The following IMPA1 variants were observed in gnomAD, a reference collection of about 807,000 sequenced individuals.
IMPA1 encodes the protein inositol monophosphatase 1.
In IMPA1, 21 loss-of-function variants were observed where a neutral mutation model predicts 34.9. The observed-to-expected ratio is 0.60, with a 90% CI of 0.43 to 0.87. The LOEUF is 0.87. Among genes scored for constraint, IMPA1 ranks in the 40% least tolerant of loss-of-function variants. IMPA1 has a pLI of 0.00. For missense variants in IMPA1, 299 were observed against 336.4 expected (o/e 0.89, Z 0.87); for synonymous variants, 95 against 104.4 (o/e 0.91, Z 0.55).
intron 7 of IMPA1, among the ~76,000 whole-genome samples, chr8:81,665,746 GA>G (rs1452586510): frequency 6.6e-6 from 1 of 152,060 alleles, no homozygotes; most frequent in East Asian, 1.9e-4. Context: ...TAAAAGCCAA[GA>G]AAAATTAGAT....
intron 1 of IMPA1, among the ~76,000 whole-genome samples, chr8:81,681,836 T>A (rs917530269): frequency 2.0e-5 from 3 of 152,160 alleles, no homozygotes; most frequent in Non-Finnish European, 4.4e-5. Flanking sequence ...TACATTTTTT[T>A]AAAAAACCAA....
chr8:81,680,270 T>C (rs1438287420), intron 3 of IMPA1, among the ~76,000 whole-genome samples: 1 of 152,222 alleles, frequency 6.6e-6, no homozygotes, highest in Non-Finnish European at 1.5e-5. Flanking sequence ...ATACAAAACT[T>C]TGGAGACTAG....
intron 1 of IMPA1, chr8:81,686,046 C>T (rs754000472): frequency 8.5e-7 from 1 of 1,174,202 alleles, no homozygotes; most frequent in African/African-American, 1.6e-5. Flanking sequence ...GTGAGCGAAC[C>T]GCTACTCCAA....
At position 81,676,226 on chromosome 8, in the gene IMPA1, A is replaced by C. The variant is rs760002814; in HGVS notation, c.348+8T>G. On this transcript the variant is annotated splice_region_variant and intron_variant, in intron 5 of 8. Transcript: ENST00000256108. ...CATATAATCAACTATACGTTTAAAA[A>C]ATCATACCTTTTTATTTACAGCAAA... 5.4e-6 allele frequency: 7 copies of C among 1,304,446 alleles called. No homozygotes were observed. Among genetic ancestry groups the C allele is most frequent in the Non-Finnish European group, 7.4e-6 (7 of 945,162 alleles). The allele number at this position is 1,304,446 out of a possible 1,614,324, so 80.8% of individuals were successfully genotyped here. A position where few individuals can be genotyped will look rare whatever the true frequency, so the allele number is the denominator to read the frequency against.
intron 5 of IMPA1, 38 bp from the exon 6 acceptor site, chr8:81,673,987 T>C (rs752774247): frequency 3.2e-6 from 4 of 1,240,940 alleles, no homozygotes; most frequent in Admixed American, 3.4e-5. Flanking sequence ...CAAACCTAAG[T>C]ATGTTTCATC....
chr8:81,679,181 C>T lies in IMPA1; in HGVS notation c.247G>A (p.Asp83Asn), dbSNP rs200237076. The T allele has an allele frequency of 1.4e-5, 23 of 1,613,810 alleles. No individual in the cohort carries two copies. The highest frequency in any genetic ancestry group is 3.3e-5 in the Admixed American group (2 of 59,994). ...GGGTCAATGATCCATGTGGGGTTGT[C>T]GGTTAAGATACTTTTTTCCCCAGCT... is the stretch of plus-strand genomic sequence containing the variant. Reference protein sequence around the residue: ...VAAGEKSILTDNPTWIIDPID... With the variant: ...VAAGEKSILTNNPTWIIDPID... The change falls in exon 4 of 9, where the codon GAC becomes AAC. Residue 83 changes from aspartate (D) to asparagine (N), a missense_variant. Coordinates refer to ENST00000256108, the MANE Select transcript of IMPA1 (RefSeq NM_005536.4).
intron 1 of IMPA1, among the ~76,000 whole-genome samples, chr8:81,685,200 T>G (rs1807468220): frequency 7.4e-6 from 1 of 135,314 alleles, no homozygotes; most frequent in Non-Finnish European, 1.5e-5. Context: ...CATAAGTATA[T>G]TTAGATACTA....
At position 81,680,596 on chromosome 8, in the gene IMPA1, C is replaced by A; in HGVS notation, c.197+54G>T. The A allele has an allele frequency of 2.9e-6, 4 of 1,369,264 alleles. No homozygotes were observed. The South Asian group carries it at 4.8e-5, about 17-fold the overall frequency. The allele number at this position is 1,369,264 out of a possible 1,614,324, so 84.8% of individuals were successfully genotyped here. A position where few individuals can be genotyped will look rare whatever the true frequency, so the allele number is the denominator to read the frequency against. ...AGTCAAGCTACTCTCATATGCAGAA[C>A]CCCAAGAAATGGTGAGATAATAAAC... On this transcript the variant is annotated intron_variant, in intron 3 of 8. Transcript: ENST00000256108.
At chr8:81,673,544 A>C (rs530095038) in intron 6 of IMPA1, among the ~76,000 whole-genome samples, 1 of 152,238 alleles carries the variant, frequency 6.6e-6, no homozygotes, top group African/African-American at 2.4e-5. Flanking sequence ...GGCAAAATAA[A>C]CTTCTAAACT....
At chr8:81,671,414 T>A (rs1434171277) in intron 6 of IMPA1, among the ~76,000 whole-genome samples, 1 of 152,182 alleles carries the variant, frequency 6.6e-6, no homozygotes, top group Non-Finnish European at 1.5e-5. Context: ...GTAAAAATTT[T>A]ACTTTTACAA....
intron 1 of IMPA1, chr8:81,685,670 A>G (rs1807494770): frequency 4.2e-6 from 2 of 478,168 alleles, no homozygotes; most frequent in East Asian, 1.7e-4. Flanking sequence ...TTTTATATAT[A>G]TTTTTATATA....
chr8:81,681,904 T>C (rs909422126), intron 1 of IMPA1, among the ~76,000 whole-genome samples: 1 of 152,080 alleles, frequency 6.6e-6, no homozygotes, highest in African/African-American at 2.4e-5. Flanking sequence ...AAAGTTAGGA[T>C]AATATTTTGG....
intron 7 of IMPA1, among the ~76,000 whole-genome samples, chr8:81,668,752 GAGCC>G (rs61246996): frequency 0.076 from 11,541 of 152,130 alleles, 578 homozygotes; most frequent in East Asian, 0.14. Flanking sequence ...AGCTACAAGG[GAGCC>G]AGGTGTTACT....
At chr8:81,666,630 T>C (rs992984915) in intron 7 of IMPA1, among the ~76,000 whole-genome samples, 25 of 151,834 alleles carry the variant, frequency 1.6e-4, no homozygotes, top group African/African-American at 6.0e-4. Flanking sequence ...TCCCAGAACT[T>C]TGGGAGGCAG....
chr8:81,674,608 T>C (rs544979225), intron 5 of IMPA1: 137 of 334,210 alleles, frequency 4.1e-4, no homozygotes, highest in Non-Finnish European at 6.4e-4. Context: ...CATTATTCTC[T>C]TAGTTCTACC....
chr8:81,684,886 GTATA>G (rs1807449384), intron 1 of IMPA1, among the ~76,000 whole-genome samples: 4 of 130,798 alleles, frequency 3.1e-5, no homozygotes, highest in African/African-American at 8.8e-5. Context: ...ACTATGTATA[GTATA>G]TATACTATAC....
At chr8:81,684,578 T>TAC (rs1807428766) in intron 1 of IMPA1, among the ~76,000 whole-genome samples, 1 of 139,302 alleles carries the variant, frequency 7.2e-6, no homozygotes, top group Admixed American at 7.1e-5. Flanking sequence ...GTATATATAC[T>TAC]ACACATAAGT....
chr8:81,660,562 A>T lies in IMPA1; in HGVS notation c.672T>A (p.Ala224=). The change falls in exon 8 of 9, where the codon GCT becomes GCA. Residue 224 remains alanine, a synonymous_variant. Coordinates refer to ENST00000256108, the MANE Select transcript of IMPA1 (RefSeq NM_005536.4). Reference sequence around the variant, plus strand: ...CACCAGCTTCAGTAACAATAATGCCAGCTCCTGCAACATCCCAGCAGTGAA... The same window carrying T: ...CACCAGCTTCAGTAACAATAATGCCTGCTCCTGCAACATCCCAGCAGTGAA... ...MGIHCWDVAG[A]GIIVTEAGGV... 2 of 1,614,024 alleles carry T rather than the reference A, an allele frequency of 1.2e-6. No homozygotes were observed. Among genetic ancestry groups the T allele is most frequent in the Non-Finnish European group, 1.7e-6 (2 of 1,179,880 alleles).
intron 3 of IMPA1, among the ~76,000 whole-genome samples, chr8:81,680,229 T>C (rs1364560138): frequency 6.6e-6 from 1 of 152,162 alleles, no homozygotes; most frequent in African/African-American, 2.4e-5. Flanking sequence ...TGCAGATACT[T>C]GTTTCTAACC....
Sources: allele counts gnomAD v4.1 joint callset (sites outside exome capture counted in the v4.1 genomes callset), GRCh38; gene constraint gnomAD v4.1.1; transcripts MANE v1.5; gene names NCBI Gene and HGNC (gene_info 2026-07-23, HGNC 2026-07-21).